Variants in RNF139 observed in about 807,000 individuals in gnomAD.
RNF139 encodes the protein E3 ubiquitin-protein ligase RNF139.
Under a neutral mutation model 49.5 loss-of-function variants are expected in RNF139, and 15 were observed. The ratio of observed to expected loss-of-function variants is 0.30; its 90% CI spans 0.20 to 0.47. The LOEUF (loss-of-function observed/expected upper bound fraction) is 0.47. Among genes scored for constraint, RNF139 ranks in the 20% least tolerant of loss-of-function variants. RNF139 has a pLI of 1.00. For missense variants in RNF139, 619 were observed against 806.3 expected (o/e 0.77, Z 2.81); for synonymous variants, 325 against 300.9 (o/e 1.08, Z -0.83).
At chr8:124,482,451 C>G (rs949491782) in intron 1 of RNF139, among the ~76,000 whole-genome samples, 1 of 151,980 alleles carries the variant, frequency 6.6e-6, no homozygotes, top group Non-Finnish European at 1.5e-5. Flanking sequence ...TAAAGTAGAA[C>G]TAGAGTTATT....
intron 1 of RNF139, among the ~76,000 whole-genome samples, chr8:124,477,625 C>T (rs932304487): frequency 6.6e-6 from 1 of 152,072 alleles, no homozygotes; most frequent in Non-Finnish European, 1.5e-5. Context: ...AGATTTCAAC[C>T]GGTTAGAAAA....
intron 1 of RNF139, among the ~76,000 whole-genome samples, chr8:124,478,698 G>A (rs768222314): frequency 1.3e-5 from 2 of 151,526 alleles, no homozygotes; most frequent in Non-Finnish European, 2.9e-5. Flanking sequence ...TTTTGAAATA[G>A]GTAAATTTAT....
rs146171574 is a variant in RNF139, at chr8:124,487,218, G to A, written c.1569G>A (p.Arg523=). ...GCTGGAAGACATTTATGAATCGTAG[G>A]ACTGCTGTGAAGAAAATTAATTCAC... ...KNGWKTFMNR[R]TAVKKINSLP... Residue 523 remains arginine (R), a synonymous_variant, in exon 2 of 2, where the codon AGG becomes AGA. Transcript: ENST00000303545. The A allele has an allele frequency of 1.4e-4, 218 of 1,613,906 alleles. 1 individual carries two copies. The African/African-American group carries it at 2.5e-3, about 18-fold the overall frequency.
Position 124,486,801 on chromosome 8 carries a change from A to T in RNF139, c.1152A>T (p.Ser384=), listed in dbSNP as rs1284851021. 1 of 1,613,872 alleles carries T rather than the reference A, an allele frequency of 6.2e-7. No individual in the cohort carries two copies. The highest frequency in any genetic ancestry group is 8.5e-7 in the Non-Finnish European group (1 of 1,180,000). ...VLMSLSASHV[S]SFRRHFPVLF... Reference sequence around the variant, plus strand: ...TGTCTCTCAGTGCCTCTCATGTGTCATCTTTTCGTAGACATTTTCCTGTGC... The same window carrying T: ...TGTCTCTCAGTGCCTCTCATGTGTCTTCTTTTCGTAGACATTTTCCTGTGC... The change falls in exon 2 of 2, where the codon TCA becomes TCT. Residue 384 remains serine (S), a synonymous_variant. Transcript: ENST00000303545.
chr8:124,483,758 A>G (rs1201358247), intron 1 of RNF139, among the ~76,000 whole-genome samples: 2 of 151,972 alleles, frequency 1.3e-5, no homozygotes, highest in South Asian at 4.1e-4. Flanking sequence ...GGAGTTTGTC[A>G]CTTTTTCTGT....
chr8:124,487,626 T>C lies in RNF139; in HGVS notation c.1977T>C (p.Phe659=). 6.2e-7 allele frequency: 1 copy of C among 1,604,712 alleles called. No homozygotes were observed. The highest frequency in any genetic ancestry group is 8.5e-7 in the Non-Finnish European group (1 of 1,174,804). Residue 659 remains phenylalanine (F), a synonymous_variant, in exon 2 of 2, where the codon TTT becomes TTC. Transcript: ENST00000303545. ...IQHTGAAAEE[F]NDDTD is the part of the protein sequence containing the mutation. ...ACACAGGCGCAGCAGCTGAAGAATT[T>C]AATGATGATACTGACTGATGAAAAT...
intron 1 of RNF139, among the ~76,000 whole-genome samples, chr8:124,478,959 A>G (rs1306299790): frequency 2.0e-5 from 3 of 152,242 alleles, no homozygotes; most frequent in African/African-American, 4.8e-5. Flanking sequence ...TCCCGACCTC[A>G]GGTGATCTGC....
In RNF139 at chr8:124,486,669, A is replaced by G. The variant is rs942537055; in HGVS notation, c.1020A>G (p.Leu340=). ...TTATTTTGGCTCTTCAGACTGGGTT[A>G]AGTGGGCTAAGACCAGAAGAGAGAC... ...LFFILALQTG[L]SGLRPEERLI... Residue 340 remains leucine, a synonymous_variant, in exon 2 of 2, where the codon TTA becomes TTG. Transcript: ENST00000303545. The G allele has an allele frequency of 1.9e-5, 31 of 1,614,102 alleles. No homozygotes were observed. Among genetic ancestry groups the G allele is most frequent in the Non-Finnish European group, 2.6e-5 (31 of 1,180,006 alleles).
At chr8:124,484,022 G>A (rs1816492167) in intron 1 of RNF139, among the ~76,000 whole-genome samples, 1 of 152,158 alleles carries the variant, frequency 6.6e-6, no homozygotes, top group Admixed American at 6.6e-5. Flanking sequence ...GGTGATATAT[G>A]AGTGTTAAAT....
In RNF139 at chr8:124,486,397, G is replaced by T; in HGVS notation, c.748G>T (p.Ala250Ser). ...TTGGCTAACAAGAGTTACAGCTCAG[G>T]CTACAGTGTTAATGTACATCTTAAG... ...VFWLTRVTAQ[A>S]TVLMYILRMA... The change falls in exon 2 of 2, where the codon GCT becomes TCT. Residue 250 changes from alanine to serine, a missense_variant. Around this residue, in one of 2 missense-constraint regions of RNF139, gnomAD observed 530 missense variants for 728.9 expected, o/e 0.73. Transcript: ENST00000303545. 6.2e-7 allele frequency: 1 copy of T among 1,614,142 alleles called. No individual in the cohort carries two copies. The highest frequency in any genetic ancestry group is 8.5e-7 in the Non-Finnish European group (1 of 1,180,000).
intron 1 of RNF139, among the ~76,000 whole-genome samples, chr8:124,478,349 G>A (rs1294161149): frequency 6.6e-6 from 1 of 152,066 alleles, no homozygotes; most frequent in Non-Finnish European, 1.5e-5. Flanking sequence ...GCTTACGGTG[G>A]CTCACGCCTA....
Position 124,487,051 on chromosome 8 carries a change from G to C in RNF139, c.1402G>C (p.Gly468Arg), listed in dbSNP as rs1461779290. The C allele has an allele frequency of 6.2e-7, 1 of 1,613,930 alleles. No homozygotes were observed. Among genetic ancestry groups the C allele is most frequent in the Non-Finnish European group, 8.5e-7 (1 of 1,180,006 alleles). ...TTATGTCTACTACGTTCGTTCAACA[G>C]GCAGTATTATTGAATTTATATTTGG... ...DDYVYYVRSTGSIIEFIFGVV... is the reference protein window; with the variant it reads ...DDYVYYVRSTRSIIEFIFGVV... The change falls in exon 2 of 2, where the codon GGC becomes CGC. Residue 468 changes from glycine (G) to arginine (R), a missense_variant. This residue lies in a region of RNF139 where 530 missense variants were observed against 728.9 expected (regional missense o/e 0.73). Coordinates refer to ENST00000303545, the MANE Select transcript of RNF139 (RefSeq NM_007218.4).
At chr8:124,480,476 T>C (rs1394597609) in intron 1 of RNF139, among the ~76,000 whole-genome samples, 2 of 149,862 alleles carry the variant, frequency 1.3e-5, no homozygotes, top group Non-Finnish European at 3.0e-5. Context: ...CATTTACCCA[T>C]TTATTATAAA....
chr8:124,486,334 T>A lies in RNF139; in HGVS notation c.685T>A (p.Trp229Arg). Residue 229 changes from tryptophan (W) to arginine (R), a missense_variant, in exon 2 of 2, where the codon TGG becomes AGG. Trp to Arg is a moderately radical substitution (Grantham distance 101). Coordinates refer to ENST00000303545, the MANE Select transcript of RNF139 (RefSeq NM_007218.4). ...YGLQLLMEDT[W>R]KRIRFPDILR... ...ATTACAGTTATTGATGGAGGACACA[T>A]GGAAGAGGATTCGTTTCCCAGACAT... 1 of 1,614,154 alleles carries A rather than the reference T, an allele frequency of 6.2e-7. No individual in the cohort carries two copies.
chr8:124,482,542 A>G (rs1185772234), intron 1 of RNF139, among the ~76,000 whole-genome samples: 1 of 152,088 alleles, frequency 6.6e-6, no homozygotes, highest in African/African-American at 2.4e-5. Context: ...GTGGTTTTCC[A>G]TGTAGAGAAT....
rs1340852277 is a variant in RNF139, at chr8:124,487,719, C to A, written c.*75C>A. The A allele has an allele frequency of 7.0e-7, 1 of 1,418,710 alleles. No individual in the cohort carries two copies. The highest frequency in any genetic ancestry group is 9.5e-7 in the Non-Finnish European group (1 of 1,055,782). The allele number at this position is 1,418,710 out of a possible 1,614,324, so 87.9% of individuals were successfully genotyped here. On this transcript the variant is annotated 3_prime_UTR_variant, in exon 2 of 2. Transcript: ENST00000303545. ...ATCCAAAATGGAGTAATATCCTTCA[C>A]CTTCAGTGTGTAACCAAGCACAAAA...
In RNF139 at chr8:124,475,003, G is replaced by T; in HGVS notation, c.-107G>T. 1.6e-6 allele frequency: 1 copy of T among 631,462 alleles called. No homozygotes were observed. The highest frequency in any genetic ancestry group is 7.3e-5 in the South Asian group (1 of 13,630). 39.1% of individuals were successfully genotyped at this position (631,462 alleles called of 1,614,324 possible). On this transcript the variant is annotated 5_prime_UTR_variant, in exon 1 of 2. It adds an upstream start codon to the 5' untranslated region. Coordinates refer to ENST00000303545, the MANE Select transcript of RNF139 (RefSeq NM_007218.4). The stretch of plus-strand genomic sequence containing the variant: ...CGTGAGAGAGACAGGAGAGGAAGGA[G>T]GGCAGGGGCGGAGTTGCCCGCCTTA...
intron 1 of RNF139, 136 bp from the exon 2 acceptor site, chr8:124,485,695 T>G (rs1816516126): frequency 1.4e-6 from 1 of 717,684 alleles, no homozygotes; most frequent in South Asian, 2.1e-5. Context: ...CCTTTAAGCC[T>G]TAGTTGTCTT....
In RNF139 at chr8:124,485,966, A is replaced by G. The variant is rs1816521008; in HGVS notation, c.317A>G (p.Tyr106Cys). Reference protein sequence around the residue: ...NYYASLHIDFYGAYNTSAFGI... With the variant: ...NYYASLHIDFCGAYNTSAFGI... ...TATGCTTCTTTGCACATTGACTTCT[A>G]TGGTGCCTACAACACGTCAGCTTTT... is the stretch of plus-strand genomic sequence containing the variant. Residue 106 changes from tyrosine to cysteine, a missense_variant, in exon 2 of 2, where the codon TAT becomes TGT. Coordinates refer to ENST00000303545, the MANE Select transcript of RNF139 (RefSeq NM_007218.4). 4 of 1,614,194 alleles carry G rather than the reference A, an allele frequency of 2.5e-6. No homozygotes were observed. The highest frequency in any genetic ancestry group is 1.7e-6 in the Non-Finnish European group (2 of 1,180,030).
Sources: gnomAD v4.1 joint callset for allele counts (sites outside exome capture counted in the v4.1 genomes callset) on GRCh38, gnomAD v4.1.1 for gene constraint, gnomAD v4.1.1 regional missense constraint, MANE v1.5 for transcripts, NCBI Gene and HGNC (gene_info 2026-07-23, HGNC 2026-07-21) for gene names.